The following SMAD9 variants were observed in gnomAD, a reference collection of about 807,000 sequenced individuals.
SMAD9 encodes the protein MAD homolog 9.
A neutral mutation model predicts 46.1 loss-of-function variants in SMAD9; 36 were observed. The observed-to-expected ratio is 0.78, with a 90% CI of 0.60 to 1.03. The LOEUF (loss-of-function observed/expected upper bound fraction) is 1.03. SMAD9 is among the 50% of genes least tolerant of loss of function. SMAD9 has a pLI of 0.00. For synonymous variants in SMAD9, 245 were observed against 237.1 expected (o/e 1.03, Z -0.31); for missense variants, 572 against 599.8 (o/e 0.95, Z 0.48).
intron 1 of SMAD9, among the ~76,000 whole-genome samples, chr13:36,919,711 C>A (rs2058726627): frequency 6.6e-6 from 1 of 151,198 alleles, no homozygotes; most frequent in African/African-American, 2.4e-5. Flanking sequence ...CGCCGCGGGT[C>A]GAACATCCCC....
At chr13:36,911,884 T>G (rs1313380761) in intron 1 of SMAD9, among the ~76,000 whole-genome samples, 1 of 152,024 alleles carries the variant, frequency 6.6e-6, no homozygotes, top group Non-Finnish European at 1.5e-5. Flanking sequence ...AATTTTGTAT[T>G]TTTAGTAGAG....
At chr13:36,853,722 G>T in intron 5 of SMAD9, 47 bp from the exon 6 acceptor site, 3 of 1,606,508 alleles carry the variant, frequency 1.9e-6, no homozygotes, top group Non-Finnish European at 2.5e-6. Context: ...CTTTCATAGC[G>T]TGCCTCTCCC....
intron 5 of SMAD9, among the ~76,000 whole-genome samples, chr13:36,864,399 C>A (rs1322119307): frequency 1.3e-5 from 2 of 152,132 alleles, no homozygotes; most frequent in Non-Finnish European, 2.9e-5. Context: ...GGCTGCATTC[C>A]CAGGAGGTCA....
intron 1 of SMAD9, among the ~76,000 whole-genome samples, chr13:36,896,434 A>AT (rs2058529617): frequency 6.6e-6 from 1 of 152,012 alleles, no homozygotes; most frequent in African/African-American, 2.4e-5. Flanking sequence ...GACCCGGCCG[A>AT]TTTTTTATTT....
In SMAD9 at chr13:36,893,107, T is replaced by C. The variant is rs533662705; in HGVS notation, c.-186-13232A>G. On this transcript the variant is annotated intron_variant, in intron 1 of 6. Transcript: ENST00000379826. Reference sequence around the variant, plus strand: ...AATAATTTGCCATTATCTTGTAAAGTTGAAATTTGTATATTATAAGACATA... The same window carrying C: ...AATAATTTGCCATTATCTTGTAAAGCTGAAATTTGTATATTATAAGACATA... Among the ~76,000 whole-genome samples the C allele has an allele frequency of 2.0e-3, 297 of 152,258 alleles. 3 individuals carry two copies. Among genetic ancestry groups the C allele is most frequent in the African/African-American group, 6.0e-3 (249 of 41,564 alleles).
intron 5 of SMAD9, among the ~76,000 whole-genome samples, chr13:36,857,871 C>T (rs184576263): frequency 6.6e-6 from 1 of 152,232 alleles, no homozygotes; most frequent in African/African-American, 2.4e-5. Flanking sequence ...CGCCTCCTCT[C>T]GAGTTTGTAA....
chr13:36,908,811 C>T (rs905476350), intron 1 of SMAD9, among the ~76,000 whole-genome samples: 1 of 152,168 alleles, frequency 6.6e-6, no homozygotes, highest in African/African-American at 2.4e-5. Flanking sequence ...ACTGTAAAAT[C>T]AGAGACTCTC....
At chr13:36,868,889 T>C (rs780355318) in intron 3 of SMAD9, among the ~76,000 whole-genome samples, 8 of 152,318 alleles carry the variant, frequency 5.3e-5, no homozygotes, top group East Asian at 1.9e-4. Flanking sequence ...AGCTAATGAA[T>C]TGATTTTTTA....
rs562953157 is a variant in SMAD9 at position 36,853,518 on chromosome 13, G to T, written c.1161C>A (p.Asn387Lys). Residue 387 changes from asparagine to lysine, a missense_variant, in exon 6 of 7, where the codon AAC becomes AAA. Coordinates refer to ENST00000379826, the MANE Select transcript of SMAD9 (RefSeq NM_001127217.3). ...GGGCCAGGAGCTGAGCGAAGAGCTG[G>T]TTGTTGAAGACCTTGAGGCTGCAGC... is the stretch of plus-strand genomic sequence containing the variant. ...PSGCSLKVFN[N>K]QLFAQLLAQS... The T allele has an allele frequency of 1.8e-4, 295 of 1,614,070 alleles. No individual in the cohort carries two copies. The highest frequency in any genetic ancestry group is 2.4e-4 in the Non-Finnish European group (288 of 1,180,034).
intron 1 of SMAD9, among the ~76,000 whole-genome samples, chr13:36,900,437 C>T (rs1322343022): frequency 6.6e-6 from 1 of 151,924 alleles, no homozygotes; most frequent in African/African-American, 2.4e-5. Flanking sequence ...CATGCCACCA[C>T]ACCCAGCTAA....
rs1491141378 is a variant in SMAD9, at chr13:36,920,186, CAG to C, written c.-259_-258del. The C allele has an allele frequency of 9.9e-6, 1 of 100,762 alleles. No homozygotes were observed. The highest frequency in any genetic ancestry group is 2.1e-4 in the East Asian group (1 of 4,798). The allele number at this position is 100,762 out of a possible 1,614,324, so 6.2% of individuals were successfully genotyped here. A position where few individuals can be genotyped will look rare whatever the true frequency, so the allele number is the denominator to read the frequency against. ...GCGGGGACCGAGACAGCGGCTGCAG[CAG>C]CGGCGGCGGCGGCGGCGGCGGCGGC... On this transcript the variant is annotated 5_prime_UTR_variant, in exon 1 of 7. Coordinates refer to ENST00000379826, the MANE Select transcript of SMAD9 (RefSeq NM_001127217.3).
chr13:36,867,322 A>G lies in SMAD9; in HGVS notation c.732T>C (p.Pro244=). Residue 244 remains proline, a synonymous_variant, in exon 4 of 7, where the codon CCT becomes CCC. Transcript: ENST00000379826. ...CATGTCTATCAGCTGTGGCATCTACAGGTTGGCCACTCTGGGTCTCAGAGG... is the reference window on the plus strand; with the variant it reads ...CATGTCTATCAGCTGTGGCATCTACGGGTTGGCCACTCTGGGTCTCAGAGG... ...TEASETQSGQ[P]VDATADRHVV... is the part of the protein sequence containing the mutation. 6.4e-7 allele frequency: 1 copy of G among 1,551,354 alleles called. No individual in the cohort carries two copies. Among genetic ancestry groups the G allele is most frequent in the Non-Finnish European group, 8.7e-7 (1 of 1,146,756 alleles).
At chr13:36,881,978 G>A (rs575310159) in intron 1 of SMAD9, among the ~76,000 whole-genome samples, 7 of 152,290 alleles carry the variant, frequency 4.6e-5, no homozygotes, top group East Asian at 1.9e-4. Context: ...AACACTCAGC[G>A]AGTTAAACCA....
chr13:36,910,733 C>T (rs2058654822), intron 1 of SMAD9, among the ~76,000 whole-genome samples: 1 of 152,124 alleles, frequency 6.6e-6, no homozygotes. Flanking sequence ...CCCTGGAGGC[C>T]CCCAGGCAAC....
At chr13:36,885,849 G>A (rs868262267) in intron 1 of SMAD9, among the ~76,000 whole-genome samples, 1 of 151,740 alleles carries the variant, frequency 6.6e-6, no homozygotes, top group Non-Finnish European at 1.5e-5. Flanking sequence ...ACCCCAAAAA[G>A]GTTAAAAAAA....
chr13:36,919,590 G>T (rs761799607), intron 1 of SMAD9, among the ~76,000 whole-genome samples: 5 of 142,682 alleles, frequency 3.5e-5, no homozygotes, highest in Admixed American at 1.4e-4. Context: ...GACCCCCGCC[G>T]CCCCCTCTGT....
intron 6 of SMAD9, 108 bp from the exon 7 acceptor site, chr13:36,848,927 T>C (rs1309507695): frequency 9.7e-7 from 1 of 1,030,950 alleles, no homozygotes. Context: ...GCGTAGCTCC[T>C]GAGACCTGAG....
chr13:36,916,702 A>G (rs1365178964), intron 1 of SMAD9, among the ~76,000 whole-genome samples: 1 of 152,032 alleles, frequency 6.6e-6, no homozygotes, highest in Non-Finnish European at 1.5e-5. Context: ...GAAATAAATT[A>G]GTCTATGAGT....
intron 6 of SMAD9, chr13:36,849,498 C>T (rs2058057823): frequency 2.0e-5 from 3 of 152,140 alleles, no homozygotes. Context: ...TGGATTTCAA[C>T]ACAACCATGC....
Sources: allele counts gnomAD v4.1 joint callset (sites outside exome capture counted in the v4.1 genomes callset), GRCh38; gene constraint gnomAD v4.1.1; transcripts MANE v1.5; gene names NCBI Gene and HGNC (gene_info 2026-07-23, HGNC 2026-07-21).